Variants in KLHL2 observed in about 807,000 individuals in gnomAD.
The protein encoded by KLHL2 is kelch-like protein 2.
A neutral mutation model predicts 75.8 loss-of-function variants in KLHL2; 15 were observed. The ratio of observed to expected loss-of-function variants is 0.20; its 90% CI spans 0.13 to 0.30. KLHL2 has a LOEUF of 0.30. Ranked by LOEUF, KLHL2 falls within the 10% of genes least tolerant of loss-of-function variation. The pLI is 1.00. For missense variants in KLHL2, 381 were observed against 741.0 expected (o/e 0.51, Z 5.64); for synonymous variants, 214 against 251.9 (o/e 0.85, Z 1.42).
At chr4:165,208,732 A>G (rs530642854) in intron 1 of KLHL2, among the ~76,000 whole-genome samples, 2 of 152,200 alleles carry the variant, frequency 1.3e-5, no homozygotes, top group African/African-American at 4.8e-5. Flanking sequence ...CGAAAATTTC[A>G]ATTTTGGTTC....
chr4:165,263,805 G>GTTTTTTTTTTTTTTTTT (rs55901119), intron 5 of KLHL2, among the ~76,000 whole-genome samples: 8 of 66,478 alleles, frequency 1.2e-4, no homozygotes, highest in Admixed American at 2.3e-4. Flanking sequence ...TTTTTACATT[G>GTTTTTTTTTTTTTTTTT]TTTTTTTTTT....
chr4:165,244,630 AAAACAAAC>A (rs372742091), intron 4 of KLHL2, among the ~76,000 whole-genome samples: 3 of 151,558 alleles, frequency 2.0e-5, no homozygotes, highest in African/African-American at 7.3e-5. Flanking sequence ...TGGTGCTACA[AAAACAAAC>A]AAACAAACAA....
At chr4:165,284,621 T>A (rs940847907) in intron 5 of KLHL2, among the ~76,000 whole-genome samples, 4 of 152,224 alleles carry the variant, frequency 2.6e-5, no homozygotes, top group Admixed American at 6.5e-5. Context: ...TTCTGTCATC[T>A]TCTTCTGAGC....
chr4:165,251,974 T>C (rs1740772506), intron 4 of KLHL2, among the ~76,000 whole-genome samples: 1 of 152,204 alleles, frequency 6.6e-6, no homozygotes, highest in African/African-American at 2.4e-5. Flanking sequence ...CGTTAGTAAT[T>C]GAGTTACTTG....
intron 7 of KLHL2, among the ~76,000 whole-genome samples, chr4:165,298,534 A>C (rs1249104949): frequency 6.6e-6 from 1 of 152,172 alleles, no homozygotes; most frequent in Non-Finnish European, 1.5e-5. Flanking sequence ...TAATAATTGA[A>C]ACCATTGAAA....
At chr4:165,217,707 C>A (rs1471086852) in intron 1 of KLHL2, among the ~76,000 whole-genome samples, 1 of 152,168 alleles carries the variant, frequency 6.6e-6, no homozygotes, top group African/African-American at 2.4e-5. Flanking sequence ...AGGTTATATT[C>A]ATGTTGAGTA....
Position 165,263,189 on chromosome 4 carries a change from T to A in KLHL2, c.382-8T>A, listed in dbSNP as rs761889133. 1 of 1,612,920 alleles carries A rather than the reference T, an allele frequency of 6.2e-7. No homozygotes were observed. The highest frequency in any genetic ancestry group is 1.1e-5 in the South Asian group (1 of 91,022). On this transcript the variant is annotated splice_polypyrimidine_tract_variant and splice_region_variant and intron_variant, in intron 4 of 14. Coordinates refer to ENST00000226725, the MANE Select transcript of KLHL2 (RefSeq NM_007246.4). ...AAGTGCCTAAGAATATTGATGTGTG[T>A]GTTGCAGGTACTTCTCCCAGCAGCT...
intron 5 of KLHL2, among the ~76,000 whole-genome samples, chr4:165,269,234 C>T (rs2126324786): frequency 6.6e-6 from 1 of 152,230 alleles, no homozygotes; most frequent in African/African-American, 2.4e-5. Context: ...CTCGTGAATG[C>T]AGCACACTGA....
chr4:165,285,994 C>T (rs990801628), intron 5 of KLHL2, among the ~76,000 whole-genome samples: 12 of 152,148 alleles, frequency 7.9e-5, no homozygotes, highest in Admixed American at 1.3e-4. Flanking sequence ...TAAAGGTTCT[C>T]AGATTGGGCA....
At chr4:165,239,796 A>G (rs540656075) in intron 4 of KLHL2, among the ~76,000 whole-genome samples, 1 of 152,314 alleles carries the variant, frequency 6.6e-6, no homozygotes, top group Non-Finnish European at 1.5e-5. Flanking sequence ...CTTCTTCTCT[A>G]GAGGGCAGCT....
chr4:165,212,820 G>A (rs1737285173), intron 1 of KLHL2, among the ~76,000 whole-genome samples: 1 of 152,144 alleles, frequency 6.6e-6, no homozygotes. Flanking sequence ...CTGCTTGTGG[G>A]CAGTATTTCC....
At chr4:165,245,377 T>C (rs1405500854) in intron 4 of KLHL2, among the ~76,000 whole-genome samples, 2 of 152,152 alleles carry the variant, frequency 1.3e-5, no homozygotes, top group Non-Finnish European at 2.9e-5. Flanking sequence ...TGGCAGTGCC[T>C]TTATCCAGGA....
chr4:165,305,495 T>G, intron 8 of KLHL2, 113 bp from the exon 9 acceptor site: 2 of 812,398 alleles, frequency 2.5e-6, no homozygotes, highest in South Asian at 3.1e-5. Flanking sequence ...ATTCGCCAGC[T>G]CACCCTATCA....
rs547597084 is a variant in KLHL2, at chr4:165,234,332, T to C, written c.260-4446T>C. Among the ~76,000 whole-genome samples the C allele has an allele frequency of 2.3e-3, 349 of 152,342 alleles. 1 individual carries two copies. Among genetic ancestry groups the C allele is most frequent in the Middle Eastern group, 0.02 (6 of 294 alleles). ...ACTTGCAAAGTAATGGAATAAGATT[T>C]GTTTATTAAACATAGCTATAAATTT... On this transcript the variant is annotated intron_variant, in intron 3 of 14. Transcript: ENST00000226725.
intron 3 of KLHL2, among the ~76,000 whole-genome samples, chr4:165,232,990 A>G (rs1217147713): frequency 6.9e-6 from 1 of 144,124 alleles, no homozygotes; most frequent in African/African-American, 2.6e-5. Flanking sequence ...TCTCTTGCTC[A>G]GGGACAGGGA....
Position 165,207,789 on chromosome 4 carries a change from G to C in KLHL2, c.-88G>C. ...CTCCGGGGCGGATGGAACGCGGCTC[G>C]GCGGGCGGGCAGTGCCGGCGTCCGC... On this transcript the variant is annotated 5_prime_UTR_variant, in exon 1 of 15. Coordinates refer to ENST00000226725, the MANE Select transcript of KLHL2 (RefSeq NM_007246.4). This position sits in a 1 kb window ranked among gnomAD's most constrained non-coding sequence, Gnocchi z 4.2. 1 of 1,208,924 alleles carries C rather than the reference G, an allele frequency of 8.3e-7. No homozygotes were observed. 74.9% of individuals were successfully genotyped at this position (1,208,924 alleles called of 1,614,324 possible). A position where few individuals can be genotyped will look rare whatever the true frequency, so the allele number is the denominator to read the frequency against.
At chr4:165,219,144 G>A (rs986616491) in intron 1 of KLHL2, among the ~76,000 whole-genome samples, 1 of 152,124 alleles carries the variant, frequency 6.6e-6, no homozygotes, top group East Asian at 1.9e-4. Flanking sequence ...AGCAATGCTA[G>A]TATAGCCTTG....
chr4:165,297,557 C>A, intron 6 of KLHL2, 52 bp from the exon 7 acceptor site: 1 of 1,029,782 alleles, frequency 9.7e-7, no homozygotes, highest in Non-Finnish European at 1.5e-6. Context: ...TATCCAGATG[C>A]CTTGATACAC....
At chr4:165,313,894 C>T in intron 12 of KLHL2, 132 bp from the exon 13 acceptor site, 1 of 765,884 alleles carries the variant, frequency 1.3e-6, no homozygotes, top group Non-Finnish European at 2.1e-6. Flanking sequence ...AAATTGTAGG[C>T]TATAGTATCA....
Sources: gnomAD v4.1 joint callset for allele counts (sites outside exome capture counted in the v4.1 genomes callset) on GRCh38, gnomAD v4.1.1 for gene constraint, Gnocchi (gnomAD v3.1) non-coding constraint, MANE v1.5 for transcripts, NCBI Gene and HGNC (gene_info 2026-07-23, HGNC 2026-07-21) for gene names.